Variants in PREX1 observed in about 807,000 individuals in gnomAD.
PREX1 encodes phosphatidylinositol-3,4,5-trisphosphate dependent Rac exchange factor 1.
A neutral mutation model predicts 198.3 loss-of-function variants in PREX1; 41 were observed. The ratio of observed to expected loss-of-function variants is 0.21; its 90% confidence interval spans 0.16 to 0.27. The LOEUF is 0.27. PREX1 is among the 10% of genes least tolerant of loss of function. The pLI is 1.00. For missense variants in PREX1, 1,620 were observed against 2,200.7 expected (o/e 0.74, Z 5.28); for synonymous variants, 843 against 887.2 (o/e 0.95, Z 0.89).
At chr20:48,840,980 G>A in the PREX1 span, among the ~76,000 whole-genome samples, 1 of 149,044 alleles carries the variant, frequency 6.7e-6, no homozygotes, top group Non-Finnish European at 1.5e-5. Flanking sequence ...AAAAAAAAAT[G>A]TGCAGATGGG....
At chr20:48,724,329 C>A (rs1259810533) in intron 5 of PREX1, among the ~76,000 whole-genome samples, 3 of 152,234 alleles carry the variant, frequency 2.0e-5, no homozygotes, top group Non-Finnish European at 2.9e-5. Context: ...GCCGTTAGAA[C>A]TAAGTCCATG....
chr20:48,798,640 G>A (rs969695058), intron 1 of PREX1, among the ~76,000 whole-genome samples: 7 of 152,168 alleles, frequency 4.6e-5, no homozygotes, highest in Admixed American at 4.6e-4. Context: ...CAATCAGCTG[G>A]GGGCCTTGTC....
intron 1 of PREX1, among the ~76,000 whole-genome samples, chr20:48,777,075 T>C (rs557913760): frequency 6.6e-6 from 1 of 152,142 alleles, no homozygotes; most frequent in East Asian, 1.9e-4. Context: ...CTGTTGTTTA[T>C]TGGCAACTAT....
Position 48,821,602 on chromosome 20 carries a change from G to A in PREX1, c.219+6040C>T, listed in dbSNP as rs2090485215. 2.0e-5 allele frequency: 3 copies of A among 152,350 alleles called. No individual in the cohort carries two copies. In the South Asian group the frequency reaches 6.2e-4, roughly 32 times the overall value. 9.4% of individuals were successfully genotyped at this position (152,350 alleles called of 1,614,324 possible). A position where few individuals can be genotyped will look rare whatever the true frequency, so the allele number is the denominator to read the frequency against. Reference sequence around the variant, plus strand: ...AGAAAAGCCCCAAAAATCTGGAGAGGTCAGGTTCTCCTGCAGCCAGGCATG... The same window carrying A: ...AGAAAAGCCCCAAAAATCTGGAGAGATCAGGTTCTCCTGCAGCCAGGCATG... On this transcript the variant is annotated intron_variant, in intron 1 of 39. Coordinates refer to ENST00000371941, the MANE Select transcript of PREX1 (RefSeq NM_020820.4).
chr20:48,670,051 C>T (rs202033208), intron 14 of PREX1, among the ~76,000 whole-genome samples: 7 of 152,162 alleles, frequency 4.6e-5, no homozygotes, highest in South Asian at 2.1e-4. Flanking sequence ...TAACCCCACT[C>T]GACAGAGGAG....
At chr20:48,791,817 T>C (rs1028766161) in intron 1 of PREX1, among the ~76,000 whole-genome samples, 7 of 152,218 alleles carry the variant, frequency 4.6e-5, no homozygotes, top group East Asian at 1.9e-4. Context: ...AAAAATGTGA[T>C]TGAGTTGCCA....
intron 3 of PREX1, among the ~76,000 whole-genome samples, chr20:48,740,650 T>C (rs2090076967): frequency 6.6e-6 from 1 of 152,206 alleles, no homozygotes; most frequent in African/African-American, 2.4e-5. Flanking sequence ...TTAAAACTCC[T>C]GAGACAGACT....
chr20:48,646,780 G>C (rs987371005), intron 25 of PREX1, among the ~76,000 whole-genome samples: 1 of 152,132 alleles, frequency 6.6e-6, no homozygotes, highest in Non-Finnish European at 1.5e-5. Context: ...AGGGTGTGAC[G>C]GTTAAGAGCA....
At chr20:48,777,953 C>A (rs2426103) in intron 1 of PREX1, among the ~76,000 whole-genome samples, 10,935 of 152,206 alleles carry the variant, frequency 0.072, 500 homozygotes, top group South Asian at 0.19. Flanking sequence ...CCAATGCCAA[C>A]AGAAGCCATG....
chr20:48,831,090 T>A (rs1344620991), upstream of PREX1, among the ~76,000 whole-genome samples: 1 of 152,122 alleles, frequency 6.6e-6, no homozygotes, highest in Non-Finnish European at 1.5e-5. Context: ...CATGGTGGCT[T>A]TTCCTCCCAA....
At chr20:48,820,005 C>G (rs925213891) in intron 1 of PREX1, among the ~76,000 whole-genome samples, 1 of 152,230 alleles carries the variant, frequency 6.6e-6, no homozygotes, top group African/African-American at 2.4e-5. Flanking sequence ...CCTGCCTGCA[C>G]CAGCTTTCAG....
intron 1 of PREX1, among the ~76,000 whole-genome samples, chr20:48,765,500 C>A (rs915928646): frequency 6.6e-6 from 1 of 152,166 alleles, no homozygotes; most frequent in Non-Finnish European, 1.5e-5. Flanking sequence ...AACGTGGACA[C>A]GACAACCAGC....
chr20:48,745,000 C>G, intron 3 of PREX1, 25 bp downstream of exon 3: 2 of 1,611,518 alleles, frequency 1.2e-6, no homozygotes, highest in Non-Finnish European at 1.7e-6. Flanking sequence ...CTAGAGTCCA[C>G]CAGGGGCAGT....
chr20:48,721,676 G>A (rs879833204), intron 5 of PREX1, among the ~76,000 whole-genome samples: 4 of 152,204 alleles, frequency 2.6e-5, no homozygotes, highest in Non-Finnish European at 4.4e-5. Context: ...AGGGTAGTCC[G>A]GGGAGGAGTG....
the PREX1 span, among the ~76,000 whole-genome samples, chr20:48,863,586 C>CTTTTTTTT: frequency 5.6e-4 from 58 of 104,276 alleles, no homozygotes; most frequent in Non-Finnish European, 8.7e-4. Flanking sequence ...TTCATATTGT[C>CTTTTTTTT]TTTTTTTTTT....
chr20:48,679,611 G>A (rs973834387), intron 12 of PREX1, 40 bp downstream of exon 12: 2 of 1,546,288 alleles, frequency 1.3e-6, no homozygotes, highest in African/African-American at 1.4e-5. Context: ...AGGTGAACGA[G>A]GCCAGCTGAG....
intron 1 of PREX1, among the ~76,000 whole-genome samples, chr20:48,826,285 A>G (rs1842189201): frequency 6.6e-6 from 1 of 152,046 alleles, no homozygotes; most frequent in Admixed American, 6.5e-5. Context: ...GGAGGCATGG[A>G]GATTAAAGAC....
chr20:48,722,230 C>G (rs6066823), intron 5 of PREX1, among the ~76,000 whole-genome samples: 87,433 of 152,038 alleles, frequency 0.58, 26,960 homozygotes, highest in African/African-American at 0.81. Context: ...CTAATGAGTG[C>G]ATAAACACAA....
intron 1 of PREX1, among the ~76,000 whole-genome samples, chr20:48,823,225 C>CT: frequency 6.6e-6 from 1 of 152,286 alleles, no homozygotes; most frequent in African/African-American, 2.4e-5. Flanking sequence ...CTTCGAGGAG[C>CT]TGCTGACCAA....
Sources: allele counts gnomAD v4.1 joint callset (sites outside exome capture counted in the v4.1 genomes callset), GRCh38; gene constraint gnomAD v4.1.1; transcripts MANE v1.5; gene names NCBI Gene and HGNC (gene_info 2026-07-23, HGNC 2026-07-21).